Variants in AKTIP observed in about 807,000 individuals in gnomAD.
The protein encoded by AKTIP is AKT interacting protein.
AKTIP carries 16 observed loss-of-function variants against 39.1 expected under a neutral mutation model. The observed-to-expected ratio is 0.41, with a 90% CI of 0.28 to 0.62. The LOEUF (loss-of-function observed/expected upper bound fraction) is 0.62, where lower values mean the gene tolerates loss of function less well. AKTIP is among the 20% of genes least tolerant of loss of function. The pLI is 0.32. For synonymous variants in AKTIP, 93 were observed against 124.3 expected (o/e 0.75, Z 1.67); for missense variants, 262 against 356.6 (o/e 0.73, Z 2.14).
chr16:53,495,371 A>G, intron 3 of AKTIP, 45 bp from the exon 4 acceptor site: 1 of 1,591,116 alleles, frequency 6.3e-7, no homozygotes, highest in Non-Finnish European at 8.6e-7. Context: ...TACAAATGAC[A>G]CATGCAGATC....
chr16:53,500,611 C>T (rs764705826), intron 1 of AKTIP, among the ~76,000 whole-genome samples: 1 of 152,154 alleles, frequency 6.6e-6, no homozygotes, highest in Non-Finnish European at 1.5e-5. Context: ...CTCCTGACCT[C>T]AAGTGATCCA....
In AKTIP at chr16:53,492,700, G is replaced by A. The variant is rs1390158105; in HGVS notation, c.764C>T (p.Thr255Ile). The A allele has an allele frequency of 1.2e-6, 2 of 1,614,022 alleles. No individual in the cohort carries two copies. The highest frequency in any genetic ancestry group is 2.2e-5 in the East Asian group (1 of 44,866). The change falls in exon 9 of 10, where the codon ACT becomes ATT. Residue 255 changes from threonine (T) to isoleucine (I), a missense_variant. Thr to Ile is a moderately conservative substitution (Grantham distance 89). This residue lies in a region of AKTIP where 145 missense variants were observed against 159.3 expected (regional missense o/e 0.91). Coordinates refer to ENST00000394657, the MANE Select transcript of AKTIP (RefSeq NM_022476.4). ...AAGTTGTTATCCACTTACTTTCTGA[G>A]TCAGCATCTTTTCTCTGGCTTCATC... ...VHDEAREKML[T>I]QKKPEEQHNK... is the part of the protein sequence containing the mutation.
chr16:53,494,486 T>G (rs759791866), intron 6 of AKTIP, 31 bp downstream of exon 6: 1 of 1,613,838 alleles, frequency 6.2e-7, no homozygotes, highest in South Asian at 1.1e-5. Flanking sequence ...TGCTGTATTA[T>G]GTCACTAAAA....
At chr16:53,499,734 T>C (rs1330429963) in intron 2 of AKTIP, among the ~76,000 whole-genome samples, 1 of 152,114 alleles carries the variant, frequency 6.6e-6, no homozygotes, top group Admixed American at 6.5e-5. Flanking sequence ...TGCTGGGGAT[T>C]ACAAGCATGA....
chr16:53,501,859 A>C (rs768032274), intron 1 of AKTIP: 1 of 152,194 alleles, frequency 6.6e-6, no homozygotes, highest in African/African-American at 2.4e-5. Context: ...GTTCTCCGCA[A>C]ATCTGCCTTT....
intron 5 of AKTIP, 118 bp from the exon 6 acceptor site, chr16:53,494,723 G>A (rs1233225908): frequency 6.9e-6 from 7 of 1,020,770 alleles, no homozygotes; most frequent in Non-Finnish European, 8.8e-6. Flanking sequence ...TAAAGCTAAA[G>A]AGCTGCCTCA....
intron 8 of AKTIP, 138 bp from the exon 9 acceptor site, chr16:53,492,891 G>T: frequency 1.4e-6 from 1 of 699,486 alleles, no homozygotes; most frequent in Non-Finnish European, 2.4e-6. Flanking sequence ...GTATGTTTTA[G>T]ACATTATCTA....
chr16:53,492,331 A>C lies in AKTIP; in HGVS notation c.*81T>G. 8.4e-7 allele frequency: 1 copy of C among 1,186,500 alleles called. No homozygotes were observed. The highest frequency in any genetic ancestry group is 1.8e-5 in the Admixed American group (1 of 54,154). The allele number at this position is 1,186,500 out of a possible 1,614,324, so 73.5% of individuals were successfully genotyped here. On this transcript the variant is annotated 3_prime_UTR_variant, in exon 10 of 10. Coordinates refer to ENST00000394657, the MANE Select transcript of AKTIP (RefSeq NM_022476.4). ...CATTGTTCACACAGTTTTACTCTTC[A>C]GGCAGTCCTCTGCCATTGGTCAGCT...
chr16:53,492,839 C>A lies in AKTIP; in HGVS notation c.711-86G>T, dbSNP rs767195371. 30 of 1,128,806 alleles carry A rather than the reference C, an allele frequency of 2.7e-5. 1 individual carries two copies. Among genetic ancestry groups the A allele is most frequent in the South Asian group, 2.2e-4 (17 of 76,336 alleles). The allele number at this position is 1,128,806 out of a possible 1,614,324, so 69.9% of individuals were successfully genotyped here. ...CATTTTGCAGTTTTAAGCCAATTCC[C>A]CTAACTTAATAAAGCACAGTATTTT... On this transcript the variant is annotated intron_variant, in intron 8 of 9. Coordinates refer to ENST00000394657, the MANE Select transcript of AKTIP (RefSeq NM_022476.4).
rs561969320 is a variant in AKTIP, at chr16:53,498,995, A to C, written c.43-399T>G. On this transcript the variant is annotated intron_variant, in intron 2 of 9. Transcript: ENST00000394657. ...ATGCTACAGAAGGTTAGGTGCTAAG[A>C]AGCTCAAAATAATGTGGATGACTGA... is the stretch of plus-strand genomic sequence containing the variant. Among the ~76,000 whole-genome samples, 13 of 151,544 alleles carry C rather than the reference A, an allele frequency of 8.6e-5. No homozygotes were observed. The South Asian group carries it at 2.1e-3, about 24-fold the overall frequency.
rs1481324781 is a variant in AKTIP, at chr16:53,491,391, A to G, written c.*1021T>C. On this transcript the variant is annotated 3_prime_UTR_variant, in exon 10 of 10. Coordinates refer to ENST00000394657, the MANE Select transcript of AKTIP (RefSeq NM_022476.4). ...GTTATTTAACAGCTGAATTATCTAT[A>G]CATATCTTTATTAATCACTATTGTT... The G allele has an allele frequency of 6.6e-6, 1 of 152,274 alleles. No individual in the cohort carries two copies. Among genetic ancestry groups the G allele is most frequent in the African/African-American group, 2.4e-5 (1 of 41,464 alleles). 9.4% of individuals were successfully genotyped at this position (152,274 alleles called of 1,614,324 possible). A position where few individuals can be genotyped will look rare whatever the true frequency, so the allele number is the denominator to read the frequency against.
intron 2 of AKTIP, among the ~76,000 whole-genome samples, chr16:53,499,311 C>T (rs1251761681): frequency 6.6e-6 from 1 of 152,102 alleles, no homozygotes; most frequent in East Asian, 1.9e-4. Context: ...TCTAAAGGCC[C>T]TGAATTCAGC....
rs761884339 is a variant in AKTIP at position 53,494,202 on chromosome 16, T to C, written c.646A>G (p.Ser216Gly). The C allele has an allele frequency of 5.6e-6, 9 of 1,614,214 alleles. No homozygotes were observed. Among genetic ancestry groups the C allele is most frequent in the Non-Finnish European group, 7.6e-6 (9 of 1,180,034 alleles). The change falls in exon 8 of 10, where the codon AGT becomes GGT. Residue 216 changes from serine (S) to glycine (G), a missense_variant. Physicochemically the swap from Ser to Gly is moderately conservative, Grantham distance 56 (BLOSUM62 0). Coordinates refer to ENST00000394657, the MANE Select transcript of AKTIP (RefSeq NM_022476.4). Reference protein sequence around the residue: ...IQLFKSKVVDSVKVCTARLFD... With the variant: ...IQLFKSKVVDGVKVCTARLFD... ...AAACGAGCAGTGCACACCTTAACAC[T>C]GTCAACAACTTTACTTTTAAAAAGC...
At position 53,500,198 on chromosome 16, in the gene AKTIP, A is replaced by G. The variant is rs1962081734; in HGVS notation, c.42+20T>C. On this transcript the variant is annotated intron_variant, in intron 2 of 9. Transcript: ENST00000394657. ...CAGAAGCAAATGGGTTTTCTTACTG[A>G]ATTTATCAACTATACCTACTTTGCG... 1 of 1,585,318 alleles carries G rather than the reference A, an allele frequency of 6.3e-7. No homozygotes were observed. The highest frequency in any genetic ancestry group is 1.3e-5 in the African/African-American group (1 of 74,094).
chr16:53,500,373 C>A (rs902346051), intron 1 of AKTIP, 44 bp from the exon 2 acceptor site: 1 of 1,345,394 alleles, frequency 7.4e-7, no homozygotes, highest in Non-Finnish European at 1.0e-6. Context: ...CAACACCAAC[C>A]ATTAAGACTT....
In AKTIP at chr16:53,498,482, G is replaced by A. The variant is rs533946422; in HGVS notation, c.157C>T (p.Pro53Ser). ...TGTGCTGCTGGGGCAGGAGATGTAG[G>A]CTTAGTTATGGGCAAAGCATTTTTG... ...IPKNALPITK[P>S]TSPAPAAQST... The change falls in exon 3 of 10, where the codon CCT becomes TCT. Residue 53 changes from proline to serine, a missense_variant. By Grantham distance (74) the Pro-to-Ser change is moderately conservative (BLOSUM62 -1). Around this residue, in one of 4 missense-constraint regions of AKTIP, gnomAD observed 88 missense variants for 132.1 expected, o/e 0.67. Coordinates refer to ENST00000394657, the MANE Select transcript of AKTIP (RefSeq NM_022476.4). 19 of 1,613,928 alleles carry A rather than the reference G, an allele frequency of 1.2e-5. No homozygotes were observed. In the South Asian group the frequency reaches 1.9e-4, roughly 16 times the overall value.
rs145847118 is a variant in AKTIP, at chr16:53,492,453, C to T, written c.838G>A (p.Val280Ile). The change falls in exon 10 of 10, where the codon GTA becomes ATA. Residue 280 changes from valine (V) to isoleucine (I), a missense_variant. Val to Ile is a conservative substitution (Grantham distance 29). Coordinates refer to ENST00000394657, the MANE Select transcript of AKTIP (RefSeq NM_022476.4). The stretch of plus-strand genomic sequence containing the variant: ...TTCTCTTCTTTACTGAAAGGCTGTA[C>T]TGAGCCAGGCTTTACCCATGACAGG... ...AGLSWVKPGSVQPFSKEEKTV... is the reference protein window; with the variant it reads ...AGLSWVKPGSIQPFSKEEKTV... 1.8e-4 allele frequency: 293 copies of T among 1,613,198 alleles called. 1 individual carries two copies. The highest frequency in any genetic ancestry group is 1.9e-4 in the Middle Eastern group (1 of 5,366).
At chr16:53,494,724 A>T in intron 5 of AKTIP, 119 bp from the exon 6 acceptor site, 1 of 996,528 alleles carries the variant, frequency 1.0e-6, no homozygotes, top group Non-Finnish European at 1.5e-6. Flanking sequence ...AAAGCTAAAG[A>T]GCTGCCTCAA....
At chr16:53,496,341 C>CA (rs1292431506) in intron 3 of AKTIP, among the ~76,000 whole-genome samples, 1 of 152,056 alleles carries the variant, frequency 6.6e-6, no homozygotes, top group Non-Finnish European at 1.5e-5. Flanking sequence ...CTGTCCAACT[C>CA]ACTGCCCAGC....
Sources: gnomAD v4.1 joint callset for allele counts (sites outside exome capture counted in the v4.1 genomes callset) on GRCh38, gnomAD v4.1.1 for gene constraint, gnomAD v4.1.1 regional missense constraint, MANE v1.5 for transcripts, NCBI Gene and HGNC (gene_info 2026-07-23, HGNC 2026-07-21) for gene names.